The following TMEM26 variants were observed in gnomAD, a reference collection of about 807,000 sequenced individuals.
TMEM26 encodes transmembrane protein 26.
A neutral mutation model predicts 28.8 loss-of-function variants in TMEM26; 38 were observed. The ratio of observed to expected loss-of-function variants is 1.32; its 90% CI spans 1.02 to 1.73. The LOEUF (loss-of-function observed/expected upper bound fraction) is 1.73, where lower values mean the gene tolerates loss of function less well. Among genes scored for constraint, TMEM26 ranks in the 40% most tolerant of loss-of-function variants. TMEM26 has a pLI of 0.00. For synonymous variants in TMEM26, 227 were observed against 182.9 expected, an observed-to-expected ratio of 1.24 and a Z score of -1.95; for missense variants, 518 against 447.1, an observed-to-expected ratio of 1.16 and a Z score of -1.43.
At chr10:61,418,232 A>T (rs777069109) in intron 4 of TMEM26, among the ~76,000 whole-genome samples, 3 of 151,970 alleles carry the variant, frequency 2.0e-5, no homozygotes, top group Non-Finnish European at 2.9e-5. Context: ...AGTACTGGAG[A>T]CTGTTAGGAT....
chr10:61,412,887 A>G, intron 5 of TMEM26: 13 of 1,255,118 alleles, frequency 1.0e-5, no homozygotes, highest in Non-Finnish European at 1.4e-5. Context: ...TACTTCTTGC[A>G]AAATCTTAGG....
chr10:61,453,112 T>G lies in TMEM26; in HGVS notation c.-31A>C. 1.2e-6 allele frequency: 2 copies of G among 1,600,178 alleles called. No individual in the cohort carries two copies. The highest frequency in any genetic ancestry group is 1.7e-6 in the Non-Finnish European group (2 of 1,172,480). ...CCGGAGCACTCTGCCTACGTCCCCT[T>G]GCCTGCGCCCCCAGGACCCTGCCGG... On this transcript the variant is annotated 5_prime_UTR_variant, in exon 1 of 6. Coordinates refer to ENST00000399298, the MANE Select transcript of TMEM26 (RefSeq NM_178505.8).
At chr10:61,428,814 A>AACATAAGAAGAAGTTGAGAGAGT in intron 4 of TMEM26, 112 bp downstream of exon 4, 1 of 905,416 alleles carries the variant, frequency 1.1e-6, no homozygotes. Context: ...AACGTTGCAT[A>AACATAAGAAGAAGTTGAGAGAGT]TAAAATATAC....
intron 2 of TMEM26, among the ~76,000 whole-genome samples, chr10:61,434,803 C>A (rs1839977639): frequency 6.6e-6 from 1 of 152,134 alleles, no homozygotes; most frequent in Non-Finnish European, 1.5e-5. Flanking sequence ...TTGGAGCAAG[C>A]CTTTTACAGA....
chr10:61,426,526 G>C (rs967262030), intron 4 of TMEM26, among the ~76,000 whole-genome samples: 2 of 152,090 alleles, frequency 1.3e-5, no homozygotes, highest in African/African-American at 4.8e-5. Context: ...CCAAAGGAAG[G>C]AAATTTATTT....
chr10:61,410,762 A>C lies in TMEM26; in HGVS notation c.683-16T>G, dbSNP rs1261527590. On this transcript the variant is annotated splice_polypyrimidine_tract_variant and intron_variant, in intron 5 of 5. Transcript: ENST00000399298. ...ACGTTCTGTACTGAAAACACAAGAC[A>C]GACTAGTTACTATCTCTCTTGGAAG... is the stretch of plus-strand genomic sequence containing the variant. The C allele has an allele frequency of 1.2e-6, 2 of 1,610,378 alleles. No homozygotes were observed. The highest frequency in any genetic ancestry group is 1.7e-6 in the Non-Finnish European group (2 of 1,177,630).
intron 1 of TMEM26, among the ~76,000 whole-genome samples, chr10:61,446,361 A>G (rs1187069952): frequency 6.6e-6 from 1 of 152,186 alleles, no homozygotes; most frequent in East Asian, 1.9e-4. Flanking sequence ...TATAAAACAC[A>G]CATTCCCACA....
intron 4 of TMEM26, among the ~76,000 whole-genome samples, chr10:61,423,898 A>G (rs754377872): frequency 4.3e-4 from 66 of 152,216 alleles, no homozygotes; most frequent in Non-Finnish European, 2.4e-4. Context: ...ATTTAATGAA[A>G]TTTAACACCC....
chr10:61,414,955 C>T, intron 4 of TMEM26: 1 of 983,682 alleles, frequency 1.0e-6, no homozygotes, highest in African/African-American at 1.7e-5. Context: ...AGGTGGATTC[C>T]TGTGTAAATG....
At chr10:61,428,249 T>C (rs1460529673) in intron 4 of TMEM26, among the ~76,000 whole-genome samples, 1 of 152,090 alleles carries the variant, frequency 6.6e-6, no homozygotes, top group African/African-American at 2.4e-5. Flanking sequence ...AAATCCCTAA[T>C]GGTAAGAAAG....
chr10:61,415,174 TG>T, intron 4 of TMEM26: 1 of 984,912 alleles, frequency 1.0e-6, no homozygotes, highest in Non-Finnish European at 1.2e-6. Flanking sequence ...AGAATAGAAT[TG>T]GATAGAAGAA....
chr10:61,425,992 C>T (rs1172865155), intron 4 of TMEM26, among the ~76,000 whole-genome samples: 3 of 152,050 alleles, frequency 2.0e-5, no homozygotes, highest in African/African-American at 7.2e-5. Flanking sequence ...TCAGTGAATC[C>T]TCTTAGCAAC....
At chr10:61,441,838 T>C (rs900311184) in intron 1 of TMEM26, among the ~76,000 whole-genome samples, 1 of 152,172 alleles carries the variant, frequency 6.6e-6, no homozygotes, top group African/African-American at 2.4e-5. Context: ...AATTCTTCAA[T>C]GCCAAATTAC....
In TMEM26 at chr10:61,409,573, T is replaced by C. The variant is rs1391153465; in HGVS notation, c.*749A>G. The C allele has an allele frequency of 2.0e-5, 3 of 152,256 alleles. No homozygotes were observed. Among genetic ancestry groups the C allele is most frequent in the Non-Finnish European group, 4.4e-5 (3 of 68,074 alleles). The allele number at this position is 152,256 out of a possible 1,614,324, so 9.4% of individuals were successfully genotyped here. On this transcript the variant is annotated 3_prime_UTR_variant, in exon 6 of 6. Coordinates refer to ENST00000399298, the MANE Select transcript of TMEM26 (RefSeq NM_178505.8). ...AAATACTGATGAACACTGCAAATCA[T>C]GTTCAGAGTAGAAATTGTGACTTTG...
At chr10:61,425,691 T>C (rs1839819855) in intron 4 of TMEM26, among the ~76,000 whole-genome samples, 1 of 152,070 alleles carries the variant, frequency 6.6e-6, no homozygotes, top group Non-Finnish European at 1.5e-5. Flanking sequence ...GAAAAGATGC[T>C]CAGCAACATT....
chr10:61,410,505 T>C lies in TMEM26; in HGVS notation c.924A>G (p.Ala308=). The stretch of plus-strand genomic sequence containing the variant: ...TTCTCAACGAAGCACGGACTGCCAA[T>C]GCCAGCACCACCAAGCGGTAGAGTT... ...VLQLYRLVVL[A]LAVRASLRSQ... is the part of the protein sequence containing the mutation. Residue 308 remains alanine (A), a synonymous_variant, in exon 6 of 6, where the codon GCA becomes GCG. Coordinates refer to ENST00000399298, the MANE Select transcript of TMEM26 (RefSeq NM_178505.8). 1 of 1,614,106 alleles carries C rather than the reference T, an allele frequency of 6.2e-7. No homozygotes were observed. The highest frequency in any genetic ancestry group is 2.2e-5 in the East Asian group (1 of 44,850).
intron 3 of TMEM26, among the ~76,000 whole-genome samples, chr10:61,429,862 C>T (rs545673688): frequency 2.0e-4 from 31 of 152,098 alleles, no homozygotes; most frequent in African/African-American, 6.7e-4. Context: ...TCAAAGTATA[C>T]TATTGCCCCT....
intron 1 of TMEM26, among the ~76,000 whole-genome samples, chr10:61,452,249 C>T (rs1023720194): frequency 3.9e-5 from 6 of 152,248 alleles, no homozygotes; most frequent in Admixed American, 6.5e-5. Flanking sequence ...GTCCCTTCAC[C>T]AGCGTTACAA....
chr10:61,411,553 A>C (rs974762319), intron 5 of TMEM26, among the ~76,000 whole-genome samples: 36 of 152,262 alleles, frequency 2.4e-4, no homozygotes, highest in Admixed American at 1.0e-3. Context: ...TTCATATTAA[A>C]TACATTTTTC....
Sources: allele counts gnomAD v4.1 joint callset (sites outside exome capture counted in the v4.1 genomes callset), GRCh38; gene constraint gnomAD v4.1.1; transcripts MANE v1.5; gene names NCBI Gene and HGNC (gene_info 2026-07-23, HGNC 2026-07-21).